Variants in CROCC2 observed in about 807,000 individuals in gnomAD.
CROCC2 encodes ciliary rootlet coiled-coil protein 2.
A neutral mutation model predicts 177.6 loss-of-function variants in CROCC2; 163 were observed. That is an observed-to-expected ratio of 0.92 (90% CI 0.81 to 1.05). CROCC2 has a LOEUF of 1.05. CROCC2 is among the 50% of genes least tolerant of loss of function. CROCC2 has a pLI of 0.00. For missense variants in CROCC2, 1,929 were observed against 1,797.8 expected, an observed-to-expected ratio of 1.07 and a Z score of -1.32; for synonymous variants, 904 against 787.3, an observed-to-expected ratio of 1.15 and a Z score of -2.48.
Position 240,933,167 on chromosome 2 carries a change from G to A in CROCC2, c.1288G>A (p.Val430Met). ...GCAGCTGAAGTCCTCCCAGGCACTG[G>A]TGGCCAGTCTCCAGGAGCAGCTGTC... ...CLQLKSSQAL[V>M]ASLQEQLSES... The change falls in exon 10 of 32, where the codon GTG becomes ATG. Residue 430 changes from valine to methionine, a missense_variant. Coordinates refer to ENST00000690015, the MANE Select transcript of CROCC2 (RefSeq NM_001351305.2). 6.5e-7 allele frequency: 1 copy of A among 1,550,078 alleles called. No individual in the cohort carries two copies. The highest frequency in any genetic ancestry group is 8.7e-7 in the Non-Finnish European group (1 of 1,146,816).
intron 28 of CROCC2, among the ~76,000 whole-genome samples, chr2:240,985,659 GCACACACACCCAGGCACTCACTC>G (rs2059834994): frequency 3.1e-5 from 1 of 32,262 alleles, no homozygotes; most frequent in African/African-American, 1.8e-4. Flanking sequence ...CACACACCCA[GCACACACACCCAGGCACTCACTC>G]CACACACACC....
At chr2:240,984,227 C>T (rs1385887520) in intron 28 of CROCC2, among the ~76,000 whole-genome samples, 1 of 152,118 alleles carries the variant, frequency 6.6e-6, no homozygotes, top group Admixed American at 6.5e-5. Flanking sequence ...ACCCTGCTGG[C>T]GGGTGGGTGA....
intron 2 of CROCC2, among the ~76,000 whole-genome samples, chr2:240,919,136 C>T (rs941701772): frequency 2.1e-5 from 3 of 141,718 alleles, no homozygotes; most frequent in African/African-American, 8.1e-5. Flanking sequence ...AAGGTGACAG[C>T]GTGGGGGACA....
chr2:240,930,660 C>A (rs2059423030), intron 6 of CROCC2, among the ~76,000 whole-genome samples: 2 of 152,108 alleles, frequency 1.3e-5, no homozygotes, highest in Non-Finnish European at 2.9e-5. Context: ...TACGTAGCAG[C>A]CCCTTGCGCA....
intron 14 of CROCC2, among the ~76,000 whole-genome samples, chr2:240,939,541 AGT>A (rs563539803): frequency 2.6e-5 from 4 of 152,202 alleles, no homozygotes; most frequent in Admixed American, 2.6e-4. Flanking sequence ...GTTTCCTGAA[AGT>A]GTGTGTGTAA....
chr2:240,933,961 A>T (rs1469025114), intron 11 of CROCC2, 109 bp downstream of exon 11: 1 of 1,229,170 alleles, frequency 8.1e-7, no homozygotes, highest in African/African-American at 1.5e-5. Flanking sequence ...CACCTGTCTC[A>T]TCTCAGGGTG....
chr2:240,960,142 G>A lies in CROCC2; in HGVS notation c.3087+698G>A, dbSNP rs2059621738. Among the ~76,000 whole-genome samples, 2 of 152,242 alleles carry A rather than the reference G, an allele frequency of 1.3e-5. No individual in the cohort carries two copies. Among genetic ancestry groups the A allele is most frequent in the Non-Finnish European group, 2.9e-5 (2 of 68,044 alleles). On this transcript the variant is annotated intron_variant, in intron 20 of 31. Transcript: ENST00000690015. The surrounding 1 kb of genome is among the most constrained non-coding windows in gnomAD (Gnocchi z 5.0). ...AGACAGGCATGACCTGGGGCGAAGG[G>A]GAATTCGGACCCTTGGCCAAGAGGC...
intron 1 of CROCC2, among the ~76,000 whole-genome samples, chr2:240,915,963 GCTGGGCCACAGC>G (rs1410713931): frequency 6.6e-6 from 1 of 152,186 alleles, no homozygotes; most frequent in Non-Finnish European, 1.5e-5. Context: ...TCCAGCGGAC[GCTGGGCCACAGC>G]CTGGGCCCAC....
chr2:240,919,395 C>T (rs1003457282), intron 2 of CROCC2, among the ~76,000 whole-genome samples: 1 of 152,174 alleles, frequency 6.6e-6, no homozygotes, highest in South Asian at 2.1e-4. Context: ...CGCCCACCCC[C>T]CTGGGCTCTG....
intron 14 of CROCC2, among the ~76,000 whole-genome samples, chr2:240,940,659 A>G (rs1348687039): frequency 2.6e-5 from 4 of 152,252 alleles, no homozygotes; most frequent in Non-Finnish European, 4.4e-5. Context: ...CTTTATGATT[A>G]AAACCCTCAG....
intron 14 of CROCC2, among the ~76,000 whole-genome samples, chr2:240,940,845 G>A (rs6714023): frequency 0.045 from 6,820 of 152,056 alleles, 358 homozygotes; most frequent in East Asian, 0.24. Flanking sequence ...ATTCTTAGCC[G>A]GAGCAATCAG....
intron 2 of CROCC2, among the ~76,000 whole-genome samples, chr2:240,919,115 C>T (rs12986558): frequency 2.8e-5 from 4 of 142,250 alleles, no homozygotes; most frequent in South Asian, 2.3e-4. Flanking sequence ...GTCCTGGGCC[C>T]GCGGCTGGCC....
chr2:240,928,852 G>A (rs2059410737), intron 5 of CROCC2, among the ~76,000 whole-genome samples: 1 of 137,224 alleles, frequency 7.3e-6, no homozygotes, highest in African/African-American at 2.5e-5. Context: ...TGCACACAGA[G>A]GGGCATGCCC....
Position 240,960,879 on chromosome 2 carries a change from C to T in CROCC2, c.3087+1435C>T, listed in dbSNP as rs922844078. On this transcript the variant is annotated intron_variant, in intron 20 of 31. Coordinates refer to ENST00000690015, the MANE Select transcript of CROCC2 (RefSeq NM_001351305.2). This position sits in a 1 kb window ranked among gnomAD's most constrained non-coding sequence, Gnocchi z 5.0. The stretch of plus-strand genomic sequence containing the variant: ...AAGTCAGGCCCGGTCAGCGACCACA[C>T]GGGGAAGCAAAACGAGATTGCAAAA... Among the ~76,000 whole-genome samples the T allele has an allele frequency of 6.6e-5, 8 of 120,532 alleles. No individual in the cohort carries two copies. In the East Asian group the frequency reaches 2.0e-3, roughly 30 times the overall value. The allele number at this position is 120,532 out of a possible 152,430, so 79.1% of individuals were successfully genotyped here. A position where few individuals can be genotyped will look rare whatever the true frequency, so the allele number is the denominator to read the frequency against.
chr2:240,987,093 T>C (rs1385413316), intron 28 of CROCC2, among the ~76,000 whole-genome samples: 1 of 152,184 alleles, frequency 6.6e-6, no homozygotes, highest in African/African-American at 2.4e-5. Flanking sequence ...CTGCTGCTAT[T>C]ACTGAAGGGG....
At chr2:240,991,080 G>C in intron 30 of CROCC2, 116 bp from the exon 31 acceptor site, 1 of 660,492 alleles carries the variant, frequency 1.5e-6, no homozygotes, top group Non-Finnish European at 2.5e-6. Context: ...CTCTCCTTGG[G>C]AGCTGTGGAC....
At chr2:240,930,312 A>C (rs982354326) in intron 6 of CROCC2, 43 bp downstream of exon 6, 1 of 494,454 alleles carries the variant, frequency 2.0e-6, no homozygotes. Context: ...ACCAGGCTGC[A>C]GGGAGCTGAA....
intron 14 of CROCC2, among the ~76,000 whole-genome samples, chr2:240,942,225 G>A (rs4130554): frequency 0.74 from 111,967 of 152,212 alleles, 42,492 homozygotes; most frequent in African/African-American, 0.91. Flanking sequence ...ATTTCTGTGT[G>A]TGTTGTTATA....
At chr2:240,927,048 TC>T (rs1429295141) in intron 5 of CROCC2, among the ~76,000 whole-genome samples, 2 of 152,212 alleles carry the variant, frequency 1.3e-5, no homozygotes, top group East Asian at 3.8e-4. Context: ...GTCTTTATTT[TC>T]CCTTTGTCCT....
Sources: gnomAD v4.1 joint callset for allele counts (sites outside exome capture counted in the v4.1 genomes callset) on GRCh38, gnomAD v4.1.1 for gene constraint, Gnocchi (gnomAD v3.1) non-coding constraint, MANE v1.5 for transcripts, NCBI Gene and HGNC (gene_info 2026-07-23, HGNC 2026-07-21) for gene names.